GRID2: variants seen among roughly 807,000 people sequenced by gnomAD.
GRID2 encodes the protein glutamate receptor ionotropic, delta-2.
A neutral mutation model predicts 114.8 loss-of-function variants in GRID2; 33 were observed. That is an observed-to-expected ratio of 0.29 (90% confidence interval 0.22 to 0.38). The LOEUF (loss-of-function observed/expected upper bound fraction) is 0.38. GRID2 is among the 10% of genes least tolerant of loss of function. The probability of loss-of-function intolerance (pLI) is 1.00; values close to 1 mark genes in which losing one functional copy is unlikely to be tolerated. For synonymous variants in GRID2, 505 were observed against 449.9 expected, an observed-to-expected ratio of 1.12 and a Z score of -1.55; for missense variants, 1,184 against 1,257.7, an observed-to-expected ratio of 0.94 and a Z score of 0.89.
At chr4:93,224,459 T>A (rs945107850) in intron 6 of GRID2, among the ~76,000 whole-genome samples, 155 bp from the exon 7 acceptor site, 3 of 152,128 alleles carry the variant, frequency 2.0e-5, no homozygotes, top group Non-Finnish European at 4.4e-5. Flanking sequence ...ATGACAAAAT[T>A]GCCCAGGAAA....
chr4:92,987,763 C>CA (rs11399528), intron 2 of GRID2, among the ~76,000 whole-genome samples: 87,776 of 151,756 alleles, frequency 0.58, 26,805 homozygotes, highest in Middle Eastern at 0.76. Flanking sequence ...AATATTAAAA[C>CA]AAAAAATATA....
intron 2 of GRID2, among the ~76,000 whole-genome samples, chr4:92,766,417 G>T (rs1738270267): frequency 6.6e-6 from 1 of 151,678 alleles, no homozygotes; most frequent in Non-Finnish European, 1.5e-5. Flanking sequence ...GGCGCCTGTA[G>T]TCCCAGCTAC....
chr4:93,447,163 T>C (rs1722167946), intron 10 of GRID2, among the ~76,000 whole-genome samples: 4 of 151,952 alleles, frequency 2.6e-5, no homozygotes, highest in Non-Finnish European at 4.4e-5. Context: ...AAGTATAGAC[T>C]ATTTAGAAAA....
At chr4:92,632,803 A>G (rs988362295) in intron 2 of GRID2, among the ~76,000 whole-genome samples, 4 of 152,126 alleles carry the variant, frequency 2.6e-5, no homozygotes, top group African/African-American at 9.7e-5. Flanking sequence ...CCATGACTAC[A>G]AATTATACAT....
At chr4:93,001,648 T>C (rs1720997225) in intron 2 of GRID2, among the ~76,000 whole-genome samples, 1 of 151,734 alleles carries the variant, frequency 6.6e-6, no homozygotes, top group African/African-American at 2.4e-5. Flanking sequence ...ATTGAAACAT[T>C]TAATATCCAA....
At chr4:93,495,557 T>A (rs1727448488) in intron 12 of GRID2, among the ~76,000 whole-genome samples, 1 of 151,694 alleles carries the variant, frequency 6.6e-6, no homozygotes, top group Non-Finnish European at 1.5e-5. Context: ...ATTTGGAATT[T>A]TTCCTGGAGG....
intron 8 of GRID2, among the ~76,000 whole-genome samples, chr4:93,369,383 C>A (rs1232217315): frequency 6.6e-6 from 1 of 152,176 alleles, no homozygotes; most frequent in African/African-American, 2.4e-5. Flanking sequence ...TGCAAAGATC[C>A]TTTTTCCAAA....
At chr4:93,583,055 G>A (rs958181993) in intron 13 of GRID2, among the ~76,000 whole-genome samples, 2 of 152,122 alleles carry the variant, frequency 1.3e-5, no homozygotes, top group African/African-American at 4.8e-5. Flanking sequence ...TGGCTTGTGG[G>A]AGCATCACTC....
chr4:92,617,457 A>C (rs193085050), intron 2 of GRID2, among the ~76,000 whole-genome samples: 1 of 151,708 alleles, frequency 6.6e-6, no homozygotes, highest in East Asian at 2.0e-4. Context: ...TTCATATATG[A>C]GTGAGAACAT....
At chr4:92,853,748 C>T (rs956114031) in intron 2 of GRID2, among the ~76,000 whole-genome samples, 3 of 151,806 alleles carry the variant, frequency 2.0e-5, no homozygotes, top group Non-Finnish European at 4.4e-5. Flanking sequence ...GAAAAGAAAA[C>T]CAAATACCAA....
At chr4:93,125,313 A>G (rs923955639) in intron 4 of GRID2, among the ~76,000 whole-genome samples, 17 of 152,118 alleles carry the variant, frequency 1.1e-4, no homozygotes, top group African/African-American at 4.1e-4. Context: ...ATATATGAAA[A>G]CATACATTTA....
intron 8 of GRID2, among the ~76,000 whole-genome samples, chr4:93,287,771 A>G (rs934591876): frequency 3.9e-5 from 6 of 152,204 alleles, no homozygotes; most frequent in African/African-American, 1.4e-4. Flanking sequence ...GAGCATGTTC[A>G]CTATATTCAC....
chr4:92,602,578 C>G (rs1051724563), intron 2 of GRID2, among the ~76,000 whole-genome samples: 1 of 152,088 alleles, frequency 6.6e-6, no homozygotes, highest in Non-Finnish European at 1.5e-5. Context: ...GTGTGTATGA[C>G]AAACCCACAG....
chr4:92,928,292 G>A (rs1330977047), intron 2 of GRID2, among the ~76,000 whole-genome samples: 1 of 151,702 alleles, frequency 6.6e-6, no homozygotes, highest in Non-Finnish European at 1.5e-5. Flanking sequence ...GGCTGGAATT[G>A]TGTGCATCCA....
intron 2 of GRID2, among the ~76,000 whole-genome samples, chr4:92,865,764 C>A (rs1201529367): frequency 1.3e-5 from 2 of 152,116 alleles, no homozygotes; most frequent in Non-Finnish European, 2.9e-5. Flanking sequence ...GGACGACTGA[C>A]TGAATAATAT....
At chr4:93,160,953 G>GA (rs1737636461) in intron 4 of GRID2, among the ~76,000 whole-genome samples, 1 of 151,808 alleles carries the variant, frequency 6.6e-6, no homozygotes, top group East Asian at 1.9e-4. Flanking sequence ...TGATGGCCAA[G>GA]AAAAAATAAA....
intron 12 of GRID2, among the ~76,000 whole-genome samples, chr4:93,497,872 T>G (rs905625914): frequency 4.6e-5 from 7 of 151,882 alleles, no homozygotes; most frequent in Admixed American, 3.9e-4. Context: ...ACAAAAATAT[T>G]GCTGAAATAT....
chr4:92,891,121 G>A (rs549713006), intron 2 of GRID2, among the ~76,000 whole-genome samples: 5 of 152,112 alleles, frequency 3.3e-5, no homozygotes, highest in Admixed American at 2.0e-4. Flanking sequence ...TTGGGGAGTC[G>A]CGGGGGCTAG....
At chr4:92,331,114 A>G (rs1726861569) in intron 1 of GRID2, among the ~76,000 whole-genome samples, 1 of 152,358 alleles carries the variant, frequency 6.6e-6, no homozygotes, top group Admixed American at 6.5e-5. Flanking sequence ...GTTGCAAAAC[A>G]CAGATCATGC....
Sources: gnomAD v4.1 joint callset for allele counts (sites outside exome capture counted in the v4.1 genomes callset) on GRCh38, gnomAD v4.1.1 for gene constraint, MANE v1.5 for transcripts, NCBI Gene and HGNC (gene_info 2026-07-23, HGNC 2026-07-21) for gene names.